The following SNX29 variants were observed in gnomAD, a reference collection of about 807,000 sequenced individuals.
The protein encoded by SNX29 is sorting nexin-29.
A neutral mutation model predicts 102.1 loss-of-function variants in SNX29; 78 were observed. The ratio of observed to expected loss-of-function variants is 0.76; its 90% CI spans 0.64 to 0.92. The LOEUF (loss-of-function observed/expected upper bound fraction) is 0.92, where lower values mean the gene tolerates loss of function less well. Among genes scored for constraint, SNX29 ranks in the 40% least tolerant of loss-of-function variants. SNX29 has a pLI of 0.00. For synonymous variants in SNX29, 580 were observed against 414.5 expected (o/e 1.40, Z -4.85); for missense variants, 1,280 against 1,061.7 (o/e 1.21, Z -2.86).
chr16:12,205,729 G>A (rs186280725), intron 14 of SNX29, among the ~76,000 whole-genome samples: 1 of 152,290 alleles, frequency 6.6e-6, no homozygotes, highest in African/African-American at 2.4e-5. Context: ...TTTCATCACA[G>A]CACTTATCAG....
chr16:12,125,450 G>C (rs1389196774), intron 11 of SNX29, among the ~76,000 whole-genome samples: 1 of 151,922 alleles, frequency 6.6e-6, no homozygotes, highest in Admixed American at 6.6e-5. Flanking sequence ...CAAGAGGCTG[G>C]AGATGCACGG....
intron 20 of SNX29, among the ~76,000 whole-genome samples, chr16:12,555,943 CACACCAACTTGTA>C (rs1415078526): frequency 6.6e-6 from 1 of 152,168 alleles, no homozygotes; most frequent in East Asian, 1.9e-4. Flanking sequence ...CTGTTTACAT[CACACCAACTTGTA>C]ACACCATCTG....
chr16:12,247,675 A>G (rs2078299143), intron 14 of SNX29, among the ~76,000 whole-genome samples: 1 of 152,198 alleles, frequency 6.6e-6, no homozygotes, highest in South Asian at 2.1e-4. Flanking sequence ...AATGTGGTTT[A>G]GTTTATTTTC....
At chr16:12,358,669 A>G (rs1463163934) in intron 16 of SNX29, among the ~76,000 whole-genome samples, 2 of 152,236 alleles carry the variant, frequency 1.3e-5, no homozygotes, top group African/African-American at 4.8e-5. Flanking sequence ...GGAGGAAAGA[A>G]TACTGCACAG....
intron 13 of SNX29, among the ~76,000 whole-genome samples, chr16:12,147,726 T>C (rs2055124197): frequency 6.6e-6 from 1 of 152,182 alleles, no homozygotes; most frequent in African/African-American, 2.4e-5. Flanking sequence ...GCCTGATTAT[T>C]CGTAGAAATA....
intron 14 of SNX29, among the ~76,000 whole-genome samples, chr16:12,230,553 T>C (rs1458945952): frequency 1.3e-5 from 2 of 152,194 alleles, no homozygotes; most frequent in Non-Finnish European, 2.9e-5. Context: ...TGTTCAACAT[T>C]AGGGGAAATG....
At chr16:12,438,638 C>G (rs1011664525) in intron 18 of SNX29, among the ~76,000 whole-genome samples, 4 of 152,250 alleles carry the variant, frequency 2.6e-5, no homozygotes, top group South Asian at 2.1e-4. Flanking sequence ...TAGCCAGACT[C>G]ACAGACTTTC....
chr16:12,009,288 G>A (rs1233933547), intron 3 of SNX29, among the ~76,000 whole-genome samples: 1 of 152,102 alleles, frequency 6.6e-6, no homozygotes, highest in East Asian at 1.9e-4. Context: ...GCAGGACAGA[G>A]CAGACCATTG....
At chr16:12,125,214 A>T (rs1008844110) in intron 11 of SNX29, among the ~76,000 whole-genome samples, 5 of 152,196 alleles carry the variant, frequency 3.3e-5, no homozygotes, top group Non-Finnish European at 5.9e-5. Flanking sequence ...TTCAGGTTCA[A>T]GCCCGTTGAA....
chr16:12,001,186 A>G (rs557999182), intron 2 of SNX29, among the ~76,000 whole-genome samples: 12 of 152,212 alleles, frequency 7.9e-5, no homozygotes, highest in Non-Finnish European at 1.5e-4. Flanking sequence ...GTCTCAGCTC[A>G]CTGCAACCTC....
At chr16:12,213,490 TAA>T in intron 14 of SNX29, among the ~76,000 whole-genome samples, 1 of 57,600 alleles carries the variant, frequency 1.7e-5, no homozygotes, top group South Asian at 3.5e-4. Flanking sequence ...AGGAAAAAAA[TAA>T]AATTAAAAAC....
intron 11 of SNX29, among the ~76,000 whole-genome samples, chr16:12,124,356 A>T (rs1424475232): frequency 4.5e-5 from 2 of 44,474 alleles, no homozygotes; most frequent in Non-Finnish European, 7.2e-5. Flanking sequence ...ACTCCGTCTC[A>T]AAAAAAAAAA....
At chr16:12,147,740 T>A (rs1417894367) in intron 13 of SNX29, among the ~76,000 whole-genome samples, 1 of 152,200 alleles carries the variant, frequency 6.6e-6, no homozygotes, top group African/African-American at 2.4e-5. Flanking sequence ...AGAAATAATT[T>A]TTCAAATCTT....
At chr16:11,995,933 G>T (rs965510228) in intron 1 of SNX29, among the ~76,000 whole-genome samples, 3 of 152,030 alleles carry the variant, frequency 2.0e-5, no homozygotes, top group African/African-American at 4.8e-5. Context: ...GGTGGTGCGT[G>T]CCTGTAATCC....
chr16:12,336,193 G>T (rs1231031313), intron 15 of SNX29, among the ~76,000 whole-genome samples: 1 of 151,888 alleles, frequency 6.6e-6, no homozygotes, highest in Admixed American at 6.5e-5. Context: ...GGTTGAAATG[G>T]CTTCATATTG....
intron 20 of SNX29, among the ~76,000 whole-genome samples, chr16:12,554,731 G>A (rs2078216452): frequency 6.6e-6 from 1 of 152,102 alleles, no homozygotes; most frequent in Non-Finnish European, 1.5e-5. Context: ...CAGTCTTTCA[G>A]TTTGCATTTT....
intron 15 of SNX29, among the ~76,000 whole-genome samples, chr16:12,348,250 A>G (rs1395110171): frequency 6.6e-6 from 1 of 152,106 alleles, no homozygotes; most frequent in Admixed American, 6.5e-5. Flanking sequence ...GAATGTCTTC[A>G]TGCTGGGATT....
intron 3 of SNX29, among the ~76,000 whole-genome samples, chr16:12,012,536 G>A: frequency 6.6e-6 from 1 of 152,060 alleles, no homozygotes; most frequent in East Asian, 1.9e-4. Context: ...AGCCTCCCGA[G>A]TAGCTGGGAC....
At chr16:12,545,621 G>C (rs1199809871) in intron 20 of SNX29, 2 of 152,118 alleles carry the variant, frequency 1.3e-5, no homozygotes, top group African/African-American at 4.8e-5. Flanking sequence ...GCAAGGGTCT[G>C]GCTCTTTTCT....
Sources: gnomAD v4.1 joint callset for allele counts (sites outside exome capture counted in the v4.1 genomes callset) on GRCh38, gnomAD v4.1.1 for gene constraint, MANE v1.5 for transcripts, NCBI Gene and HGNC (gene_info 2026-07-23, HGNC 2026-07-21) for gene names.